The following RIMBP2 variants were observed in gnomAD, a reference collection of about 807,000 sequenced individuals.
RIMBP2 encodes the protein RIMS binding protein 2.
Under a neutral mutation model 118.6 loss-of-function variants are expected in RIMBP2, and 48 were observed. That is an observed-to-expected ratio of 0.40 (90% CI 0.32 to 0.51). The LOEUF (loss-of-function observed/expected upper bound fraction) is 0.51, where lower values mean the gene tolerates loss of function less well. Among genes scored for constraint, RIMBP2 ranks in the 20% least tolerant of loss-of-function variants. The pLI is 0.41. For synonymous variants in RIMBP2, 762 were observed against 742.9 expected (o/e 1.03, Z -0.42); for missense variants, 1,551 against 1,768.3 (o/e 0.88, Z 2.20).
chr12:130,492,788 G>A (rs1210424750), intron 4 of RIMBP2, among the ~76,000 whole-genome samples: 4 of 152,160 alleles, frequency 2.6e-5, no homozygotes, highest in African/African-American at 4.8e-5. Flanking sequence ...AAAAAATACC[G>A]TCCTTCCTAG....
At chr12:130,656,652 G>A (rs969490126) in intron 1 of RIMBP2, among the ~76,000 whole-genome samples, 5 of 151,950 alleles carry the variant, frequency 3.3e-5, no homozygotes, top group South Asian at 2.1e-4. Context: ...TCTTCACACC[G>A]TCTTCCCTCC....
Position 130,450,213 on chromosome 12 carries a change from C to T in RIMBP2, c.568G>A (p.Val190Ile), listed in dbSNP as rs1407713764. 6.2e-7 allele frequency: 1 copy of T among 1,607,476 alleles called. No individual in the cohort carries two copies. Among genetic ancestry groups the T allele is most frequent in the African/African-American group, 1.3e-5 (1 of 74,734 alleles). ...GGCCGCACTTACCTATAGCGGGCAA[C>T]ACAGAGGTGGACCTTCCCCGAGTAT... is the stretch of plus-strand genomic sequence containing the variant. Reference protein sequence around the residue: ...QRYSGKVHLCVARYSYNPFDG... With the variant: ...QRYSGKVHLCIARYSYNPFDG... Residue 190 changes from valine to isoleucine, a missense_variant, in exon 9 of 23, where the codon GTT becomes ATT. Physicochemically the swap from Val to Ile is conservative, Grantham distance 29. Coordinates refer to ENST00000690449, the MANE Select transcript of RIMBP2 (RefSeq NM_001393629.1). This position sits in a 1 kb window ranked among gnomAD's most constrained non-coding sequence, Gnocchi z 4.8.
rs116600488 is a variant in RIMBP2 at position 130,404,727 on chromosome 12, C to G, written c.3765+1445G>C. Among the ~76,000 whole-genome samples the G allele has an allele frequency of 6.0e-3, 919 of 152,224 alleles. 7 individuals carry two copies. Among genetic ancestry groups the G allele is most frequent in the African/African-American group, 0.021 (861 of 41,550 alleles). On this transcript the variant is annotated intron_variant, in intron 21 of 22. Transcript: ENST00000690449. ...TCAGAATTGAAAGACAATATTATGT[C>G]TATTTCTTCCAAAAGCTAAATGTAC...
At chr12:130,674,028 G>A (rs2064323216) in intron 1 of RIMBP2, among the ~76,000 whole-genome samples, 2 of 152,108 alleles carry the variant, frequency 1.3e-5, no homozygotes, top group African/African-American at 4.8e-5. Context: ...TGAGGCAGGA[G>A]AATCGCTTGA....
At chr12:130,524,059 T>C (rs2052479518) in intron 2 of RIMBP2, among the ~76,000 whole-genome samples, 1 of 152,070 alleles carries the variant, frequency 6.6e-6, no homozygotes, top group Non-Finnish European at 1.5e-5. Context: ...CAGCCTCTGC[T>C]CTGCTGGCCT....
intron 7 of RIMBP2, 91 bp from the exon 8 acceptor site, chr12:130,451,431 CCT>C: frequency 4.5e-6 from 6 of 1,345,862 alleles, no homozygotes; most frequent in Non-Finnish European, 6.1e-6. Context: ...GTGCCTTTCC[CCT>C]CTTTGACAAC....
At position 130,422,066 on chromosome 12, in the gene RIMBP2, C is replaced by T. The variant is rs534479675; in HGVS notation, c.3238+387G>A. Reference sequence around the variant, plus strand: ...CTTCTGCAGACAGGCAGCATTCCCTCGGGTGGGGCTCACAGACCCCTGAGG... The same window carrying T: ...CTTCTGCAGACAGGCAGCATTCCCTTGGGTGGGGCTCACAGACCCCTGAGG... On this transcript the variant is annotated intron_variant, in intron 17 of 22. Coordinates refer to ENST00000690449, the MANE Select transcript of RIMBP2 (RefSeq NM_001393629.1). The surrounding 1 kb of genome is among the most constrained non-coding windows in gnomAD (Gnocchi z 5.2). Among the ~76,000 whole-genome samples, 68 of 152,280 alleles carry T rather than the reference C, an allele frequency of 4.5e-4. No homozygotes were observed. Among genetic ancestry groups the T allele is most frequent in the African/African-American group, 1.5e-3 (61 of 41,570 alleles).
chr12:130,536,938 C>T (rs970415378), intron 2 of RIMBP2, among the ~76,000 whole-genome samples: 3 of 152,166 alleles, frequency 2.0e-5, no homozygotes, highest in Non-Finnish European at 2.9e-5. Flanking sequence ...CCTAGAACCC[C>T]ATTCTAATCA....
chr12:130,680,486 AAC>A (rs1388009463), intron 1 of RIMBP2, among the ~76,000 whole-genome samples: 1 of 152,134 alleles, frequency 6.6e-6, no homozygotes, highest in South Asian at 2.1e-4. Flanking sequence ...GCCATGTGGG[AAC>A]ACACACTCAG....
At chr12:130,477,047 C>G (rs2081490433) in intron 5 of RIMBP2, among the ~76,000 whole-genome samples, 1 of 152,194 alleles carries the variant, frequency 6.6e-6, no homozygotes, top group South Asian at 2.1e-4. Context: ...ACATCAAAGC[C>G]TCTAGAAATT....
chr12:130,443,812 T>C (rs1342463902), intron 10 of RIMBP2, among the ~76,000 whole-genome samples: 1 of 152,150 alleles, frequency 6.6e-6, no homozygotes, highest in Admixed American at 6.5e-5. Context: ...ATGAAGATGA[T>C]TATAATGCTG....
At chr12:130,709,455 G>GC (rs1949738880) in intron 1 of RIMBP2, among the ~76,000 whole-genome samples, 1 of 152,242 alleles carries the variant, frequency 6.6e-6, no homozygotes, top group Non-Finnish European at 1.5e-5. Flanking sequence ...CAGCCTGCGG[G>GC]GCAGCTCCAG....
rs138783403 is a variant in RIMBP2 at position 130,706,024 on chromosome 12, C to T, written c.-352+10198G>A. Reference sequence around the variant, plus strand: ...CTGGGCTGCACAAGCTTCAGAGGACCCGTTTCTGGGACTATCTGTATTATT... The same window carrying T: ...CTGGGCTGCACAAGCTTCAGAGGACTCGTTTCTGGGACTATCTGTATTATT... On this transcript the variant is annotated intron_variant, in intron 1 of 22. Coordinates refer to ENST00000690449, the MANE Select transcript of RIMBP2 (RefSeq NM_001393629.1). Among the ~76,000 whole-genome samples, 98 of 152,322 alleles carry T rather than the reference C, an allele frequency of 6.4e-4. 3 individuals carry two copies. The East Asian group carries it at 0.015, about 23-fold the overall frequency.
intron 1 of RIMBP2, among the ~76,000 whole-genome samples, chr12:130,639,736 A>T (rs553660824): frequency 6.6e-6 from 1 of 151,962 alleles, no homozygotes; most frequent in Non-Finnish European, 1.5e-5. Context: ...GGCTCATGGG[A>T]CCCGCACCCT....
At chr12:130,499,995 T>C (rs533768895) in intron 4 of RIMBP2, among the ~76,000 whole-genome samples, 3 of 152,252 alleles carry the variant, frequency 2.0e-5, no homozygotes, top group Non-Finnish European at 4.4e-5. Context: ...GTTTGTTATA[T>C]AGGTTTTAAT....
intron 14 of RIMBP2, among the ~76,000 whole-genome samples, chr12:130,433,756 C>T (rs2077310079): frequency 6.6e-6 from 1 of 152,166 alleles, no homozygotes; most frequent in Non-Finnish European, 1.5e-5. Flanking sequence ...GGAGCTATGG[C>T]AGCCACTTTG....
intron 1 of RIMBP2, among the ~76,000 whole-genome samples, chr12:130,690,656 A>C (rs2065269330): frequency 6.6e-6 from 1 of 152,156 alleles, no homozygotes. Flanking sequence ...ATTTTAGCAT[A>C]ATCTTTAGGG....
intron 2 of RIMBP2, among the ~76,000 whole-genome samples, chr12:130,558,046 C>T (rs1289162737): frequency 6.6e-6 from 1 of 152,192 alleles, no homozygotes; most frequent in Non-Finnish European, 1.5e-5. Flanking sequence ...AGACAGTGTT[C>T]AGACTCACGT....
chr12:130,689,254 G>A (rs12298419), intron 1 of RIMBP2, among the ~76,000 whole-genome samples: 5,761 of 152,048 alleles, frequency 0.038, 369 homozygotes, highest in African/African-American at 0.13. Flanking sequence ...CCGATGTGGC[G>A]AAAACCCGTC....
Sources: allele counts gnomAD v4.1 joint callset (sites outside exome capture counted in the v4.1 genomes callset), GRCh38; gene constraint gnomAD v4.1.1; non-coding constraint Gnocchi (gnomAD v3.1); transcripts MANE v1.5; gene names NCBI Gene and HGNC (gene_info 2026-07-23, HGNC 2026-07-21).